Variants in ST6GALNAC3 observed in about 807,000 individuals in gnomAD.
ST6GALNAC3 encodes ST6 N-acetylgalactosaminide alpha-2,6-sialyltransferase 3, also known as alpha-N-acetylgalactosaminide alpha-2,6-sialyltransferase 3.
Under a neutral mutation model 32.7 loss-of-function variants are expected in ST6GALNAC3, and 25 were observed. That is an observed-to-expected ratio of 0.76 (90% CI 0.56 to 1.07). The LOEUF is 1.07. Among genes scored for constraint, ST6GALNAC3 ranks in the 50% least tolerant of loss-of-function variants. The probability of loss-of-function intolerance (pLI) is 0.00; values close to 1 mark genes in which losing one functional copy is unlikely to be tolerated. For synonymous variants in ST6GALNAC3, 129 were observed against 133.1 expected (o/e 0.97, Z 0.21); for missense variants, 355 against 382.4 (o/e 0.93, Z 0.60).
intron 1 of ST6GALNAC3, among the ~76,000 whole-genome samples, chr1:76,075,982 A>G (rs1209096012): frequency 6.6e-6 from 1 of 152,218 alleles, no homozygotes; most frequent in East Asian, 1.9e-4. Flanking sequence ...CCTGGTGTCA[A>G]TGATGAAAAT....
intron 1 of ST6GALNAC3, among the ~76,000 whole-genome samples, chr1:76,122,547 GC>G (rs2100839620): frequency 6.6e-6 from 1 of 152,304 alleles, no homozygotes; most frequent in Non-Finnish European, 1.5e-5. Flanking sequence ...CTCCTTGAAA[GC>G]CTCCTTCACT....
chr1:76,525,791 G>GTATATATATATATATATATATATATA (rs199721572), intron 3 of ST6GALNAC3, among the ~76,000 whole-genome samples: 1 of 75,530 alleles, frequency 1.3e-5, no homozygotes, highest in Non-Finnish European at 3.0e-5. Context: ...GTGTGTGTGT[G>GTATATATATATATATATATATATATA]TATATATATA....
chr1:76,561,867 C>T (rs1665266267), intron 3 of ST6GALNAC3, among the ~76,000 whole-genome samples: 1 of 152,156 alleles, frequency 6.6e-6, no homozygotes, highest in Non-Finnish European at 1.5e-5. Flanking sequence ...TGTCTGTCAA[C>T]TGATTAATGG....
chr1:76,523,036 T>C (rs1441420455), intron 3 of ST6GALNAC3, among the ~76,000 whole-genome samples: 1 of 152,204 alleles, frequency 6.6e-6, no homozygotes, highest in Non-Finnish European at 1.5e-5. Context: ...TCCATCCCCA[T>C]GTGTTCCAGT....
At chr1:76,519,675 A>G (rs1049647038) in intron 3 of ST6GALNAC3, among the ~76,000 whole-genome samples, 2 of 152,096 alleles carry the variant, frequency 1.3e-5, no homozygotes, top group African/African-American at 4.8e-5. Context: ...CATTTTTCAT[A>G]CTTTTCAACC....
At chr1:76,131,514 A>G (rs1214678833) in intron 1 of ST6GALNAC3, among the ~76,000 whole-genome samples, 2 of 152,186 alleles carry the variant, frequency 1.3e-5, no homozygotes, top group African/African-American at 4.8e-5. Flanking sequence ...GTGACAGCAT[A>G]CCAGTCTCCA....
At chr1:76,316,501 A>C (rs549968839) in intron 2 of ST6GALNAC3, among the ~76,000 whole-genome samples, 2 of 152,148 alleles carry the variant, frequency 1.3e-5, no homozygotes. Context: ...AGCAAAGTAC[A>C]CAATGTGATT....
At chr1:76,101,032 A>G (rs919224597) in intron 1 of ST6GALNAC3, among the ~76,000 whole-genome samples, 1 of 152,130 alleles carries the variant, frequency 6.6e-6, no homozygotes, top group Non-Finnish European at 1.5e-5. Context: ...ATTATCACCC[A>G]AAGTCCATAG....
intron 1 of ST6GALNAC3, among the ~76,000 whole-genome samples, chr1:76,149,467 C>A (rs1650903393): frequency 6.6e-6 from 1 of 152,174 alleles, no homozygotes; most frequent in African/African-American, 2.4e-5. Flanking sequence ...CCCCGCCCCA[C>A]CAGCTTTATT....
chr1:76,550,246 T>C (rs1664542087), intron 3 of ST6GALNAC3, among the ~76,000 whole-genome samples: 1 of 152,178 alleles, frequency 6.6e-6, no homozygotes, highest in Admixed American at 6.5e-5. Flanking sequence ...ACCTTCTTCA[T>C]TTCCAAAATT....
rs551705399 is a variant in ST6GALNAC3 at position 76,480,219 on chromosome 1, A to G, written c.623+67802A>G. Among the ~76,000 whole-genome samples the G allele has an allele frequency of 4.6e-5, 7 of 152,364 alleles. No individual in the cohort carries two copies. The South Asian group carries it at 1.5e-3, about 32-fold the overall frequency. Reference sequence around the variant, plus strand: ...AACTACTGAACTGAAATAGATTTGCATAAGAGTTATCACTATCAATAATCA... The same window carrying G: ...AACTACTGAACTGAAATAGATTTGCGTAAGAGTTATCACTATCAATAATCA... On this transcript the variant is annotated intron_variant, in intron 3 of 4. Coordinates refer to ENST00000328299, the MANE Select transcript of ST6GALNAC3 (RefSeq NM_152996.4).
rs1265368027 is a variant in ST6GALNAC3, at chr1:76,627,363, A to C, written c.624-89A>C. On this transcript the variant is annotated intron_variant, in intron 3 of 4. Transcript: ENST00000328299. Reference sequence around the variant, plus strand: ...TAACAAGTGCTATGTTTTTGATGAAATGTTGCTCGTTTCTCACACACCTTA... The same window carrying C: ...TAACAAGTGCTATGTTTTTGATGAACTGTTGCTCGTTTCTCACACACCTTA... 9.1e-5 allele frequency: 75 copies of C among 822,396 alleles called. No individual in the cohort carries two copies. The East Asian group carries it at 1.7e-3, about 18-fold the overall frequency. The allele number at this position is 822,396 out of a possible 1,614,324, so 50.9% of individuals were successfully genotyped here. A position where few individuals can be genotyped will look rare whatever the true frequency, so the allele number is the denominator to read the frequency against.
intron 2 of ST6GALNAC3, among the ~76,000 whole-genome samples, chr1:76,327,636 C>T (rs535950691): frequency 1.3e-5 from 2 of 152,172 alleles, no homozygotes; most frequent in East Asian, 3.9e-4. Flanking sequence ...GTCGCCCGGG[C>T]GGGAGGGCAG....
At chr1:76,627,153 T>G (rs188336061) in intron 3 of ST6GALNAC3, among the ~76,000 whole-genome samples, 1 of 152,038 alleles carries the variant, frequency 6.6e-6, no homozygotes, top group Admixed American at 6.6e-5. Flanking sequence ...AAATAAATTA[T>G]TTTTCACCTG....
At chr1:76,091,240 T>C (rs1280025219) in intron 1 of ST6GALNAC3, among the ~76,000 whole-genome samples, 1 of 152,196 alleles carries the variant, frequency 6.6e-6, no homozygotes, top group East Asian at 1.9e-4. Context: ...CTAATAAAAG[T>C]AAAATATTCT....
At chr1:76,529,803 T>G (rs1262522142) in intron 3 of ST6GALNAC3, among the ~76,000 whole-genome samples, 2 of 152,210 alleles carry the variant, frequency 1.3e-5, no homozygotes, top group Non-Finnish European at 2.9e-5. Context: ...CCACTAGTTC[T>G]GTGACTTTGG....
chr1:76,078,826 G>C (rs1322249958), intron 1 of ST6GALNAC3, among the ~76,000 whole-genome samples: 1 of 152,042 alleles, frequency 6.6e-6, no homozygotes, highest in Non-Finnish European at 1.5e-5. Flanking sequence ...TGTTGCCCAG[G>C]CTGGAGTGCA....
chr1:76,609,411 G>A (rs1168405542), intron 3 of ST6GALNAC3, among the ~76,000 whole-genome samples: 1 of 152,134 alleles, frequency 6.6e-6, no homozygotes, highest in Non-Finnish European at 1.5e-5. Flanking sequence ...AGGTGTTAAA[G>A]AAATATCCCT....
At chr1:76,264,900 C>CTT (rs397864038) in intron 1 of ST6GALNAC3, among the ~76,000 whole-genome samples, 99 of 137,438 alleles carry the variant, frequency 7.2e-4, no homozygotes, top group Middle Eastern at 7.8e-3. Context: ...CTCTAGTGCT[C>CTT]TTTTTTTTTT....
Sources: gnomAD v4.1 joint callset for allele counts (sites outside exome capture counted in the v4.1 genomes callset) on GRCh38, gnomAD v4.1.1 for gene constraint, MANE v1.5 for transcripts, NCBI Gene and HGNC (gene_info 2026-07-23, HGNC 2026-07-21) for gene names.